The following CUX1 variants were observed in gnomAD, a reference collection of about 807,000 sequenced individuals.
CUX1 encodes the protein protein CASP.
CUX1 carries 31 observed loss-of-function variants against 158.8 expected under a neutral mutation model. The observed-to-expected ratio is 0.20, with a 90% CI of 0.15 to 0.26. The LOEUF (loss-of-function observed/expected upper bound fraction) is 0.26. CUX1 is among the 10% of genes least tolerant of loss of function. The probability of loss-of-function intolerance (pLI) is 1.00; values close to 1 mark genes in which losing one functional copy is unlikely to be tolerated. For synonymous variants in CUX1, 879 were observed against 862.1 expected (o/e 1.02, Z -0.34); for missense variants, 1,589 against 2,014.6 (o/e 0.79, Z 4.04).
At chr7:102,223,113 T>G (rs1798002033) in intron 20 of CUX1, among the ~76,000 whole-genome samples, 1 of 151,588 alleles carries the variant, frequency 6.6e-6, no homozygotes, top group South Asian at 2.1e-4. Context: ...CAGGGCACCA[T>G]ATTTTACCTG....
intron 3 of CUX1, among the ~76,000 whole-genome samples, chr7:102,067,331 C>T (rs1267233216): frequency 1.4e-5 from 2 of 142,744 alleles, no homozygotes; most frequent in African/African-American, 2.6e-5. Flanking sequence ...CTCCGGAGTA[C>T]AAATGAAGCA....
chr7:102,279,350 A>T (rs1554548591), intron 18 of CUX1, among the ~76,000 whole-genome samples: 1 of 152,136 alleles, frequency 6.6e-6, no homozygotes, highest in Non-Finnish European at 1.5e-5. Flanking sequence ...CAAATAAATA[A>T]ATAAGCAATA....
chr7:102,264,446 C>T (rs1790655286), intron 14 of CUX1, among the ~76,000 whole-genome samples: 1 of 152,194 alleles, frequency 6.6e-6, no homozygotes. Context: ...AGCATGGCCG[C>T]AGCACCGTGA....
intron 14 of CUX1, among the ~76,000 whole-genome samples, chr7:102,267,089 G>T (rs1790866990): frequency 6.6e-6 from 1 of 152,096 alleles, no homozygotes; most frequent in Non-Finnish European, 1.5e-5. Context: ...GGGGGGCTCA[G>T]TGGTCACCTG....
chr7:101,851,808 T>G (rs191821097), intron 1 of CUX1, among the ~76,000 whole-genome samples: 1 of 149,790 alleles, frequency 6.7e-6, no homozygotes, highest in East Asian at 2.0e-4. Context: ...TTTTCTTACT[T>G]TTCATTTGTC....
At chr7:101,864,354 G>A (rs552092699) in intron 1 of CUX1, among the ~76,000 whole-genome samples, 78 of 151,832 alleles carry the variant, frequency 5.1e-4, no homozygotes, top group Admixed American at 3.9e-3. Flanking sequence ...TAGAGATGGC[G>A]TCTTGCTGTG....
chr7:102,038,096 A>G (rs1435086632), intron 3 of CUX1, among the ~76,000 whole-genome samples: 3 of 151,744 alleles, frequency 2.0e-5, no homozygotes, highest in Non-Finnish European at 4.4e-5. Flanking sequence ...TGCTAGCTCC[A>G]TGGTATGTTC....
chr7:101,817,033 G>A (rs1329165752), upstream of CUX1: 11 of 984,364 alleles, frequency 1.1e-5, no homozygotes, highest in African/African-American at 1.8e-5. The surrounding 1 kb of genome is among the most constrained non-coding windows in gnomAD (Gnocchi z 4.1). Context: ...CCTCCGTGGC[G>A]GACCCCCGCG....
At chr7:102,268,166 C>T (rs369726125) in intron 14 of CUX1, among the ~76,000 whole-genome samples, 19 of 152,172 alleles carry the variant, frequency 1.2e-4, no homozygotes, top group African/African-American at 1.7e-4. Flanking sequence ...ATCCACCCGT[C>T]GCCTGTCATC....
At chr7:102,141,026 T>C (rs1231279834) in intron 8 of CUX1, among the ~76,000 whole-genome samples, 1 of 152,196 alleles carries the variant, frequency 6.6e-6, no homozygotes, top group Non-Finnish European at 1.5e-5. Flanking sequence ...GAGGGCGTTC[T>C]TAAAGATTCA....
At chr7:101,925,432 T>G (rs1321323077) in intron 2 of CUX1, among the ~76,000 whole-genome samples, 1 of 152,112 alleles carries the variant, frequency 6.6e-6, no homozygotes, top group Non-Finnish European at 1.5e-5. Flanking sequence ...TCTATAGAGA[T>G]AGAAACCCCC....
chr7:101,904,459 C>T (rs928742997), intron 1 of CUX1, among the ~76,000 whole-genome samples: 3 of 151,900 alleles, frequency 2.0e-5, no homozygotes, highest in East Asian at 1.9e-4. Context: ...ATGGAAAGGC[C>T]GCAGCTTGTA....
intron 11 of CUX1, among the ~76,000 whole-genome samples, chr7:102,184,641 C>CATTTT (rs1455960298): frequency 3.9e-5 from 6 of 152,076 alleles, no homozygotes; most frequent in Non-Finnish European, 7.4e-5. Context: ...TAGATTCATG[C>CATTTT]ATTTTATTTT....
At chr7:102,275,477 G>A (rs550195430) in intron 17 of CUX1, 4 of 800,824 alleles carry the variant, frequency 5.0e-6, no homozygotes, top group Non-Finnish European at 7.8e-6. Context: ...GAAGAGATTT[G>A]TTCTGTGCAG....
Position 102,256,370 on chromosome 7 carries a change from A to G in CUX1, c.*7328A>G. ...TTATTATTAGGTTAATCATTTAAGT[A>G]CTTATCAGGAGTGTATTGTTATTTT... is the stretch of plus-strand genomic sequence containing the variant. On this transcript the variant is annotated 3_prime_UTR_variant, in exon 24 of 24. Coordinates refer to ENST00000292535, the MANE Select transcript of CUX1 (RefSeq NM_181552.4). 1 of 985,202 alleles carries G rather than the reference A, an allele frequency of 1.0e-6. No homozygotes were observed. The highest frequency in any genetic ancestry group is 1.2e-6 in the Non-Finnish European group (1 of 829,728). 61.0% of individuals were successfully genotyped at this position (985,202 alleles called of 1,614,324 possible). A position where few individuals can be genotyped will look rare whatever the true frequency, so the allele number is the denominator to read the frequency against.
At position 102,252,182 on chromosome 7, in the gene CUX1, G is replaced by GT; in HGVS notation, c.*3141dup. On this transcript the variant is annotated 3_prime_UTR_variant, in exon 24 of 24. Transcript: ENST00000292535. ...CTTTGATGTGAAGCTAGCACTGTCT[G>GT]TAATACTTCTAAGAGCTGCCACTAA... The GT allele has an allele frequency of 5.1e-6, 5 of 985,378 alleles. No homozygotes were observed. Among genetic ancestry groups the GT allele is most frequent in the Non-Finnish European group, 6.0e-6 (5 of 829,928 alleles). 61.0% of individuals were successfully genotyped at this position (985,378 alleles called of 1,614,324 possible). A position where few individuals can be genotyped will look rare whatever the true frequency, so the allele number is the denominator to read the frequency against.
At chr7:102,261,443 A>G (rs1790391492), downstream of CUX1, among the ~76,000 whole-genome samples, 1 of 152,068 alleles carries the variant, frequency 6.6e-6, no homozygotes, top group Admixed American at 6.5e-5. Flanking sequence ...GCAGTGAGCC[A>G]AGATTGCGCC....
At chr7:102,024,814 T>C (rs1169933440) in intron 2 of CUX1, among the ~76,000 whole-genome samples, 1 of 152,198 alleles carries the variant, frequency 6.6e-6, no homozygotes, top group East Asian at 1.9e-4. Flanking sequence ...TCCTCTACCT[T>C]TCTGAAAAGC....
intron 8 of CUX1, among the ~76,000 whole-genome samples, chr7:102,117,358 A>G (rs2131145916): frequency 7.5e-6 from 1 of 132,624 alleles, no homozygotes; most frequent in Non-Finnish European, 1.5e-5. Context: ...AGATAGCACC[A>G]CTGCACCCCA....
Sources: gnomAD v4.1 joint callset for allele counts (sites outside exome capture counted in the v4.1 genomes callset) on GRCh38, gnomAD v4.1.1 for gene constraint, Gnocchi (gnomAD v3.1) non-coding constraint, MANE v1.5 for transcripts, NCBI Gene and HGNC (gene_info 2026-07-23, HGNC 2026-07-21) for gene names.